The following PARD3 variants were observed in gnomAD, a reference collection of about 807,000 sequenced individuals.
PARD3 encodes the protein par-3 family cell polarity regulator.
Under a neutral mutation model 155.4 loss-of-function variants are expected in PARD3, and 75 were observed. The observed-to-expected ratio is 0.48, with a 90% CI of 0.40 to 0.58. PARD3 has a LOEUF of 0.58. PARD3 is among the 20% of genes least tolerant of loss of function. The pLI is 0.00. For missense variants in PARD3, 1,642 were observed against 1,721.7 expected, an observed-to-expected ratio of 0.95 and a Z score of 0.82; for synonymous variants, 576 against 610.5, an observed-to-expected ratio of 0.94 and a Z score of 0.83.
chr10:34,614,537 G>T (rs1388469735), intron 2 of PARD3, among the ~76,000 whole-genome samples: 1 of 152,072 alleles, frequency 6.6e-6, no homozygotes, highest in Non-Finnish European at 1.5e-5. Context: ...AATCATGCAG[G>T]CATAAACATA....
intron 7 of PARD3, among the ~76,000 whole-genome samples, chr10:34,388,577 G>A (rs1429588835): frequency 6.6e-6 from 1 of 152,272 alleles, no homozygotes; most frequent in Non-Finnish European, 1.5e-5. Flanking sequence ...CTAGAAATCA[G>A]AATTTGTTCT....
intron 5 of PARD3, among the ~76,000 whole-genome samples, chr10:34,409,219 G>A (rs1163936500): frequency 6.6e-6 from 1 of 152,082 alleles, no homozygotes; most frequent in African/African-American, 2.4e-5. Context: ...AACAGATGGT[G>A]CTGATTTATG....
chr10:34,291,604 T>C (rs581682), intron 20 of PARD3, among the ~76,000 whole-genome samples: 102,874 of 152,126 alleles, frequency 0.68, 36,175 homozygotes, highest in African/African-American at 0.88. Context: ...AAGGATTTGT[T>C]AGGTCATATA....
At chr10:34,530,185 G>A (rs917091669) in intron 2 of PARD3, among the ~76,000 whole-genome samples, 1 of 152,150 alleles carries the variant, frequency 6.6e-6, no homozygotes, top group African/African-American at 2.4e-5. Flanking sequence ...AGGGAGGCAG[G>A]AGAGACAGGC....
chr10:34,657,720 G>A (rs2093213926), intron 2 of PARD3, among the ~76,000 whole-genome samples: 1 of 151,866 alleles, frequency 6.6e-6, no homozygotes, highest in South Asian at 2.1e-4. Flanking sequence ...TGTATTTTTA[G>A]TAGAGACGTG....
chr10:34,175,660 T>C (rs1467699964), intron 22 of PARD3, among the ~76,000 whole-genome samples: 1 of 152,184 alleles, frequency 6.6e-6, no homozygotes, highest in Non-Finnish European at 1.5e-5. Flanking sequence ...TTATAATAAA[T>C]GAATGTTCTG....
intron 19 of PARD3, among the ~76,000 whole-genome samples, chr10:34,324,859 C>T (rs1480101180): frequency 6.6e-6 from 1 of 152,148 alleles, no homozygotes; most frequent in Non-Finnish European, 1.5e-5. Context: ...TCATCGCTCA[C>T]CTGGATGATT....
In PARD3 at chr10:34,672,435, C is replaced by T. The variant is rs540633956; in HGVS notation, c.222+23883G>A. 1.4e-4 allele frequency among the ~76,000 whole-genome samples: 22 copies of T among 152,328 alleles called. No homozygotes were observed. In the South Asian group the frequency reaches 4.4e-3, roughly 30 times the overall value. On this transcript the variant is annotated intron_variant, in intron 2 of 24. Coordinates refer to ENST00000374788, the MANE Select transcript of PARD3 (RefSeq NM_001184785.2). ...TTCTGATCTTACAGAAACAGCTCCT[C>T]GCTGTGATCATGTAATCATGTAACT...
At chr10:34,275,195 A>C (rs576993618) in intron 21 of PARD3, among the ~76,000 whole-genome samples, 3 of 152,322 alleles carry the variant, frequency 2.0e-5, no homozygotes, top group African/African-American at 7.2e-5. Flanking sequence ...CAAGGCTCCA[A>C]TAATGAAGGA....
intron 22 of PARD3, among the ~76,000 whole-genome samples, chr10:34,170,991 A>G (rs1949760292): frequency 6.6e-6 from 1 of 152,188 alleles, no homozygotes; most frequent in African/African-American, 2.4e-5. Flanking sequence ...CGTCTTATCT[A>G]AACAAACTCA....
intron 2 of PARD3, among the ~76,000 whole-genome samples, chr10:34,647,840 A>G (rs543814217): frequency 1.3e-5 from 2 of 152,346 alleles, no homozygotes; most frequent in Non-Finnish European, 2.9e-5. Flanking sequence ...ATATATTTGG[A>G]AGCCTAGCTT....
intron 1 of PARD3, among the ~76,000 whole-genome samples, chr10:34,792,375 C>G (rs1841761693): frequency 6.6e-6 from 1 of 152,226 alleles, no homozygotes; most frequent in Non-Finnish European, 1.5e-5. Context: ...ACAGGTACCG[C>G]ACCCAGCACC....
chr10:34,401,971 A>G (rs192244117), intron 5 of PARD3, 54 bp from the exon 6 acceptor site: 1 of 1,357,204 alleles, frequency 7.4e-7, no homozygotes, highest in African/African-American at 1.4e-5. Context: ...TTCTTGCTAC[A>G]ATGTGAAAGG....
rs188719980 is a variant in PARD3, at chr10:34,370,421, G to A, written c.1707+2077C>T. On this transcript the variant is annotated intron_variant, in intron 12 of 24. Coordinates refer to ENST00000374788, the MANE Select transcript of PARD3 (RefSeq NM_001184785.2). ...GATCATCAGTTTCCTCAACACGACT[G>A]ACTACATGTTTTTTATTGTTGTTTA... Among the ~76,000 whole-genome samples the A allele has an allele frequency of 3.3e-5, 5 of 152,104 alleles. No individual in the cohort carries two copies. The East Asian group carries it at 7.7e-4, about 24-fold the overall frequency.
At chr10:34,386,882 C>G (rs558196060) in intron 7 of PARD3, among the ~76,000 whole-genome samples, 3 of 150,232 alleles carry the variant, frequency 2.0e-5, no homozygotes, top group Non-Finnish European at 3.0e-5. Flanking sequence ...AAGATTAATA[C>G]AAGAAATTAA....
intron 14 of PARD3, among the ~76,000 whole-genome samples, chr10:34,355,939 A>AAAAAC (rs1564622424): frequency 1.5e-5 from 2 of 133,712 alleles, no homozygotes; most frequent in East Asian, 2.0e-4. Context: ...AAAAAAAAAA[A>AAAAAC]AAAAAAACAA....
At chr10:34,727,878 C>CCCCACACA (rs2094745580) in intron 1 of PARD3, among the ~76,000 whole-genome samples, 2 of 144,722 alleles carry the variant, frequency 1.4e-5, no homozygotes, top group African/African-American at 5.2e-5. Flanking sequence ...CCTCCCTCCG[C>CCCCACACA]CACACACACA....
chr10:34,381,912 C>CAAAAAAAAAAAAAAAAAAAAAAAAA (rs202053812), intron 9 of PARD3, among the ~76,000 whole-genome samples: 18 of 71,880 alleles, frequency 2.5e-4, no homozygotes, highest in African/African-American at 4.4e-4. Flanking sequence ...GGCCCTGTCT[C>CAAAAAAAAAAAAAAAAAAAAAAAAA]AAAAAAAAAA....
At chr10:34,587,743 G>T (rs2088230116) in intron 2 of PARD3, among the ~76,000 whole-genome samples, 1 of 152,130 alleles carries the variant, frequency 6.6e-6, no homozygotes, top group Non-Finnish European at 1.5e-5. Context: ...TGAGTTTCGT[G>T]CAAGTACTAT....
Sources: allele counts gnomAD v4.1 joint callset (sites outside exome capture counted in the v4.1 genomes callset), GRCh38; gene constraint gnomAD v4.1.1; transcripts MANE v1.5; gene names NCBI Gene and HGNC (gene_info 2026-07-23, HGNC 2026-07-21).